TSHZ1: variants seen among roughly 807,000 people sequenced by gnomAD.
TSHZ1 encodes teashirt zinc finger homeobox 1, also known as teashirt homolog 1.
A neutral mutation model predicts 67.1 loss-of-function variants in TSHZ1; 12 were observed. That is an observed-to-expected ratio of 0.18 (90% CI 0.11 to 0.29). TSHZ1 has a LOEUF of 0.29. TSHZ1 is among the 10% of genes least tolerant of loss of function. The probability of loss-of-function intolerance (pLI) is 1.00; values close to 1 mark genes in which losing one functional copy is unlikely to be tolerated. For missense variants in TSHZ1, 1,305 were observed against 1,413.9 expected, an observed-to-expected ratio of 0.92 and a Z score of 1.23; for synonymous variants, 632 against 622.4, an observed-to-expected ratio of 1.02 and a Z score of -0.23.
intron 1 of TSHZ1, among the ~76,000 whole-genome samples, chr18:75,216,537 T>G (rs1195906247): frequency 6.6e-6 from 1 of 152,222 alleles, no homozygotes; most frequent in Non-Finnish European, 1.5e-5. Context: ...TAACGAAAAC[T>G]GTTTCACTGT....
chr18:75,216,467 T>G (rs998900544), intron 1 of TSHZ1, among the ~76,000 whole-genome samples: 1 of 152,230 alleles, frequency 6.6e-6, no homozygotes, highest in African/African-American at 2.4e-5. Flanking sequence ...AGATTTTATG[T>G]TAATGTATTG....
At chr18:75,229,815 A>C (rs918799227) in intron 1 of TSHZ1, among the ~76,000 whole-genome samples, 1 of 152,240 alleles carries the variant, frequency 6.6e-6, no homozygotes, top group African/African-American at 2.4e-5. Flanking sequence ...CCTAAAAGAA[A>C]CAAACAAAAC....
In TSHZ1 at chr18:75,211,743, C is replaced by T; in HGVS notation, c.-134C>T. On this transcript the variant is annotated 5_prime_UTR_variant, in exon 1 of 2. Coordinates refer to ENST00000580243, the MANE Select transcript of TSHZ1 (RefSeq NM_001308210.2). ...GGCTCCCCGCGGTCCGCGGCGCGCC[C>T]GGAGCCCGGAGCCCGCGGGGACGAG... is the stretch of plus-strand genomic sequence containing the variant. The T allele has an allele frequency of 2.4e-6, 1 of 415,908 alleles. No individual in the cohort carries two copies. Among genetic ancestry groups the T allele is most frequent in the Non-Finnish European group, 3.2e-6 (1 of 312,236 alleles). 25.8% of individuals were successfully genotyped at this position (415,908 alleles called of 1,614,324 possible).
chr18:75,286,568 C>T lies in TSHZ1; in HGVS notation c.1161C>T (p.Asn387=). ...CAGCCAAGGATCAGAAAGCAGCGAA[C>T]CCGTACGTCACGCCCAATAACCGCT... The part of the protein sequence containing the change: ...SESAKDQKAA[N]PYVTPNNRYG... The change falls in exon 2 of 2, where the codon AAC becomes AAT. Residue 387 remains asparagine (N), a synonymous_variant. Transcript: ENST00000580243. The surrounding 1 kb of genome is among the most constrained non-coding windows in gnomAD (Gnocchi z 5.1). The T allele has an allele frequency of 6.2e-7, 1 of 1,614,224 alleles. No individual in the cohort carries two copies. Among genetic ancestry groups the T allele is most frequent in the Non-Finnish European group, 8.5e-7 (1 of 1,180,052 alleles).
chr18:75,280,322 G>T lies in TSHZ1; in HGVS notation c.41-5126G>T, dbSNP rs184562522. 1.3e-3 allele frequency among the ~76,000 whole-genome samples: 201 copies of T among 152,312 alleles called. 1 individual carries two copies. The highest frequency in any genetic ancestry group is 4.7e-3 in the African/African-American group (195 of 41,574). On this transcript the variant is annotated intron_variant, in intron 1 of 1. Transcript: ENST00000580243. The stretch of plus-strand genomic sequence containing the variant: ...TTAGGCTAACTTCAAAAAATAAAAT[G>T]ATTGGGCTAAAGAGCATCAATGTTT...
At chr18:75,221,088 G>A (rs1449831920) in intron 1 of TSHZ1, 6 of 152,132 alleles carry the variant, frequency 3.9e-5, no homozygotes, top group South Asian at 2.1e-4. Flanking sequence ...ATACTGAATC[G>A]GATGTGCACT....
intron 1 of TSHZ1, among the ~76,000 whole-genome samples, chr18:75,248,291 GT>G (rs2023248882): frequency 1.3e-5 from 2 of 152,280 alleles, no homozygotes; most frequent in South Asian, 4.1e-4. Flanking sequence ...TAATAATTCT[GT>G]TTTTACTGAA....
intron 1 of TSHZ1, among the ~76,000 whole-genome samples, chr18:75,241,999 A>G (rs1330546494): frequency 2.7e-5 from 4 of 149,784 alleles, no homozygotes; most frequent in East Asian, 2.0e-4. Context: ...CCTATTTCCA[A>G]ACAAAGTCAC....
intron 1 of TSHZ1, among the ~76,000 whole-genome samples, chr18:75,213,453 T>C (rs896721467): frequency 6.6e-6 from 1 of 152,150 alleles, no homozygotes; most frequent in African/African-American, 2.4e-5. Flanking sequence ...GGTCTTTACA[T>C]TTTCACAGTT....
At chr18:75,279,863 C>T (rs760871437) in intron 1 of TSHZ1, among the ~76,000 whole-genome samples, 3 of 152,196 alleles carry the variant, frequency 2.0e-5, no homozygotes, top group Non-Finnish European at 2.9e-5. Context: ...GTAGACGTTC[C>T]GTGAAAGTTT....
chr18:75,223,072 C>T (rs2022870069), intron 1 of TSHZ1, among the ~76,000 whole-genome samples: 1 of 152,174 alleles, frequency 6.6e-6, no homozygotes, highest in East Asian at 1.9e-4. Context: ...TACTTGATAT[C>T]TCATGATGGG....
intron 1 of TSHZ1, among the ~76,000 whole-genome samples, chr18:75,214,128 G>A (rs970698455): frequency 9.2e-5 from 14 of 152,182 alleles, no homozygotes; most frequent in African/African-American, 3.1e-4. Context: ...CATTAGATGA[G>A]CCATTGTTTA....
At chr18:75,223,019 C>T (rs1019083854) in intron 1 of TSHZ1, among the ~76,000 whole-genome samples, 12 of 152,168 alleles carry the variant, frequency 7.9e-5, no homozygotes, top group East Asian at 1.9e-4. Flanking sequence ...AGCACCTGCT[C>T]GGAGTATTCT....
chr18:75,263,282 T>C (rs1283614631), intron 1 of TSHZ1, among the ~76,000 whole-genome samples: 1 of 152,210 alleles, frequency 6.6e-6, no homozygotes, highest in Non-Finnish European at 1.5e-5. Flanking sequence ...TTATGACACC[T>C]TTTTGAGGAC....
At chr18:75,250,709 C>T (rs2023291066) in intron 1 of TSHZ1, among the ~76,000 whole-genome samples, 1 of 152,184 alleles carries the variant, frequency 6.6e-6, no homozygotes, top group African/African-American at 2.4e-5. Flanking sequence ...TAGCAGAGCT[C>T]GTGGGCCGGG....
intron 1 of TSHZ1, among the ~76,000 whole-genome samples, chr18:75,227,207 C>T (rs1169862733): frequency 2.0e-5 from 3 of 152,106 alleles, no homozygotes; most frequent in Non-Finnish European, 2.9e-5. Flanking sequence ...TCCCCCACTC[C>T]TGCGGCAGAA....
chr18:75,227,905 G>A (rs779626725), intron 1 of TSHZ1, among the ~76,000 whole-genome samples: 7 of 152,208 alleles, frequency 4.6e-5, no homozygotes, highest in South Asian at 2.1e-4. Context: ...TTCCCCCGCC[G>A]TTAGGAGGTC....
chr18:75,276,832 T>G (rs751560663), intron 1 of TSHZ1, among the ~76,000 whole-genome samples: 3 of 152,252 alleles, frequency 2.0e-5, no homozygotes, highest in Non-Finnish European at 2.9e-5. Flanking sequence ...AAGCAGGGAC[T>G]GAAGACCTGC....
chr18:75,226,500 A>G (rs1191118109), intron 1 of TSHZ1, among the ~76,000 whole-genome samples: 2 of 152,196 alleles, frequency 1.3e-5, no homozygotes, highest in African/African-American at 4.8e-5. Context: ...TATTTATCAC[A>G]GGCTAGCACA....
Sources: gnomAD v4.1 joint callset for allele counts (sites outside exome capture counted in the v4.1 genomes callset) on GRCh38, gnomAD v4.1.1 for gene constraint, Gnocchi (gnomAD v3.1) non-coding constraint, MANE v1.5 for transcripts, NCBI Gene and HGNC (gene_info 2026-07-23, HGNC 2026-07-21) for gene names.